ERG: variants seen among roughly 807,000 people sequenced by gnomAD.
The protein encoded by ERG is ETS transcription factor ERG.
Under a neutral mutation model 55.3 loss-of-function variants are expected in ERG, and 9 were observed. That is an observed-to-expected ratio of 0.16 (90% confidence interval 0.10 to 0.28). The LOEUF is 0.28. ERG is among the 10% of genes least tolerant of loss of function. ERG has a pLI of 1.00. For missense variants in ERG, 434 were observed against 631.6 expected (o/e 0.69, Z 3.35); for synonymous variants, 223 against 237.3 (o/e 0.94, Z 0.55).
chr21:38,558,592 A>G lies in ERG; in HGVS notation c.-41+17070T>C, dbSNP rs539853371. 4.6e-5 allele frequency among the ~76,000 whole-genome samples: 7 copies of G among 152,368 alleles called. No individual in the cohort carries two copies. In the South Asian group the frequency reaches 1.4e-3, roughly 32 times the overall value. On this transcript the variant is annotated intron_variant, in intron 2 of 8. Transcript: ENST00000398897. ...GTAAATGGCAAAAGTATGGAAATGC[A>G]AGATGGAGTGGGGCTTAATGTTGCC...
chr21:38,471,728 C>A (rs2059140855), intron 1 of ERG: 1 of 152,104 alleles, frequency 6.6e-6, no homozygotes, highest in Non-Finnish European at 1.5e-5. Context: ...CCATTAAGAT[C>A]AAAAGTCTGA....
chr21:38,560,887 A>G (rs539906807), intron 2 of ERG, among the ~76,000 whole-genome samples: 19 of 152,358 alleles, frequency 1.2e-4, no homozygotes, highest in African/African-American at 4.3e-4. Context: ...GTAACATGCT[A>G]CTTTCAGATT....
chr21:38,506,314 A>T (rs2059460517), intron 2 of ERG, among the ~76,000 whole-genome samples: 1 of 152,306 alleles, frequency 6.6e-6, no homozygotes, highest in Non-Finnish European at 1.5e-5. Context: ...CACAATACTG[A>T]CGTCAGTGCT....
At chr21:38,440,686 G>C (rs2058832690) in intron 2 of ERG, among the ~76,000 whole-genome samples, 1 of 151,772 alleles carries the variant, frequency 6.6e-6, no homozygotes, top group Non-Finnish European at 1.5e-5. Flanking sequence ...CCACTCGGGA[G>C]GCTGAGGCAG....
intron 1 of ERG, among the ~76,000 whole-genome samples, chr21:38,605,188 T>G (rs1278469385): frequency 6.6e-6 from 1 of 152,184 alleles, no homozygotes; most frequent in Admixed American, 6.5e-5. Context: ...CCCCAAATGC[T>G]TTCAACACCA....
intron 1 of ERG, among the ~76,000 whole-genome samples, chr21:38,627,078 A>C (rs2060329236): frequency 1.3e-5 from 2 of 152,172 alleles, no homozygotes; most frequent in Non-Finnish European, 2.9e-5. Context: ...ATTTACATAA[A>C]AAAATTTTTT....
intron 3 of ERG, among the ~76,000 whole-genome samples, chr21:38,406,741 A>T (rs1226306140): frequency 6.6e-6 from 1 of 152,146 alleles, no homozygotes; most frequent in Admixed American, 6.5e-5. Flanking sequence ...GTGGAACCGG[A>T]TATTCTCAAA....
At chr21:38,461,777 T>C (rs550029880) in intron 1 of ERG, among the ~76,000 whole-genome samples, 3 of 152,364 alleles carry the variant, frequency 2.0e-5, no homozygotes, top group South Asian at 4.1e-4. Context: ...AAATATCTCA[T>C]TTGTGTTAAC....
chr21:38,486,336 A>G (rs2059285389), intron 1 of ERG, among the ~76,000 whole-genome samples: 1 of 152,214 alleles, frequency 6.6e-6, no homozygotes, highest in South Asian at 2.1e-4. Flanking sequence ...CATGCTGCAC[A>G]GGTTTGTAGC....
upstream of ERG, among the ~76,000 whole-genome samples, chr21:38,589,773 G>A (rs1201840983): frequency 6.6e-6 from 1 of 152,164 alleles, no homozygotes; most frequent in Non-Finnish European, 1.5e-5. Flanking sequence ...TCTACCTATG[G>A]TAGGGAAGAG....
At chr21:38,377,687 C>T (rs939016110), downstream of ERG, among the ~76,000 whole-genome samples, 8 of 152,180 alleles carry the variant, frequency 5.3e-5, no homozygotes, top group Non-Finnish European at 7.3e-5. Flanking sequence ...CTACACCCCA[C>T]CCCTTCCTTA....
At chr21:38,547,868 A>G (rs1284271227) in intron 2 of ERG, among the ~76,000 whole-genome samples, 1 of 152,170 alleles carries the variant, frequency 6.6e-6, no homozygotes, top group African/African-American at 2.4e-5. Flanking sequence ...TGTTAAGTAG[A>G]GGCAATTTTT....
intron 3 of ERG, among the ~76,000 whole-genome samples, chr21:38,419,879 G>A (rs887587135): frequency 5.3e-5 from 8 of 151,960 alleles, no homozygotes; most frequent in Non-Finnish European, 8.8e-5. Flanking sequence ...ATCTGAACAC[G>A]GACAAAGCCC....
chr21:38,396,724 T>C (rs1450107504), intron 6 of ERG, among the ~76,000 whole-genome samples: 1 of 152,106 alleles, frequency 6.6e-6, no homozygotes, highest in East Asian at 1.9e-4. Context: ...GTGTAGTTAA[T>C]AGGGGCTTGC....
intron 3 of ERG, among the ~76,000 whole-genome samples, chr21:38,410,911 G>T (rs1345666145): frequency 9.9e-5 from 15 of 152,016 alleles, no homozygotes; most frequent in Non-Finnish European, 1.5e-5. Context: ...AATTACTCTT[G>T]GTTATGAAAA....
chr21:38,464,857 T>C (rs1222305036), intron 1 of ERG, among the ~76,000 whole-genome samples: 1 of 152,180 alleles, frequency 6.6e-6, no homozygotes, highest in Non-Finnish European at 1.5e-5. Context: ...GAATGATGGT[T>C]TCCAGCATCA....
chr21:38,444,838 T>C (rs956482616), intron 2 of ERG, among the ~76,000 whole-genome samples: 2 of 151,980 alleles, frequency 1.3e-5, no homozygotes, highest in African/African-American at 4.8e-5. Flanking sequence ...TTCAAGTGGC[T>C]TGGACATACG....
chr21:38,382,693 CCTT>C lies in ERG; in HGVS notation c.*707_*709del, dbSNP rs768762227. The C allele has an allele frequency of 5.8e-5, 62 of 1,066,994 alleles. No individual in the cohort carries two copies. The highest frequency in any genetic ancestry group is 6.8e-5 in the Non-Finnish European group (60 of 880,124). 66.1% of individuals were successfully genotyped at this position (1,066,994 alleles called of 1,614,324 possible). A position where few individuals can be genotyped will look rare whatever the true frequency, so the allele number is the denominator to read the frequency against. On this transcript the variant is annotated 3_prime_UTR_variant, in exon 10 of 10. Transcript: ENST00000288319. ...TCCTCCTTCTCTGCCTCTTCCTCCT[CCTT>C]CTTCACCCCTCTGTCTACAATCACA... is the stretch of plus-strand genomic sequence containing the variant.
intron 2 of ERG, among the ~76,000 whole-genome samples, chr21:38,504,731 CCT>C (rs1318800052): frequency 3.9e-5 from 6 of 152,314 alleles, no homozygotes; most frequent in African/African-American, 1.2e-4. Flanking sequence ...TCCAAAGTAT[CCT>C]TTCCCAGGTA....
Sources: allele counts gnomAD v4.1 joint callset (sites outside exome capture counted in the v4.1 genomes callset), GRCh38; gene constraint gnomAD v4.1.1; transcripts MANE v1.5; gene names NCBI Gene and HGNC (gene_info 2026-07-23, HGNC 2026-07-21).